Variants in RYR2 observed in about 807,000 individuals in gnomAD.
The protein encoded by RYR2 is cardiac muscle ryanodine receptor-calcium release channel.
Under a neutral mutation model 601.1 loss-of-function variants are expected in RYR2, and 227 were observed. That is an observed-to-expected ratio of 0.38 (90% CI 0.34 to 0.42). RYR2 has a LOEUF of 0.42. Among genes scored for constraint, RYR2 ranks in the 10% least tolerant of loss-of-function variants. RYR2 has a pLI of 1.00. For synonymous variants in RYR2, 2,223 were observed against 2,175.1 expected (o/e 1.02, Z -0.61); for missense variants, 4,646 against 6,156.5 (o/e 0.75, Z 8.21).
intron 102 of RYR2, among the ~76,000 whole-genome samples, chr1:237,829,199 G>T (rs1204519870): frequency 6.6e-6 from 1 of 152,214 alleles, no homozygotes; most frequent in Admixed American, 6.5e-5. Context: ...AGGGCTTTAA[G>T]CAGAGCAGCC....
chr1:237,446,891 A>T (rs1486649548), intron 14 of RYR2, among the ~76,000 whole-genome samples: 1 of 152,154 alleles, frequency 6.6e-6, no homozygotes, highest in Non-Finnish European at 1.5e-5. Flanking sequence ...GTAAAAATTT[A>T]TTACATTTTA....
intron 89 of RYR2, among the ~76,000 whole-genome samples, chr1:237,782,124 C>T (rs917958353): frequency 6.6e-6 from 1 of 151,148 alleles, no homozygotes; most frequent in Non-Finnish European, 1.5e-5. Flanking sequence ...CTCCCCACCA[C>T]AGCCTCAGTT....
intron 1 of RYR2, among the ~76,000 whole-genome samples, chr1:237,119,490 G>A (rs1670533252): frequency 6.6e-6 from 1 of 152,178 alleles, no homozygotes; most frequent in Non-Finnish European, 1.5e-5. Flanking sequence ...GAATGCTTGA[G>A]TTGGTCATGG....
chr1:237,606,177 G>A (rs1265552798), intron 35 of RYR2, among the ~76,000 whole-genome samples: 1 of 151,918 alleles, frequency 6.6e-6, no homozygotes, highest in Non-Finnish European at 1.5e-5. Flanking sequence ...ATACTACAAG[G>A]CTACAGTAAC....
intron 1 of RYR2, among the ~76,000 whole-genome samples, chr1:237,167,320 A>T (rs961716811): frequency 7.9e-4 from 121 of 152,308 alleles, no homozygotes; most frequent in African/African-American, 2.8e-3. Flanking sequence ...GCCTTTTGAT[A>T]AAAATTTCAC....
chr1:237,442,558 G>A lies in RYR2; in HGVS notation c.1170+1075G>A, dbSNP rs144322808. Among the ~76,000 whole-genome samples the A allele has an allele frequency of 1.6e-3, 244 of 152,128 alleles. 3 individuals are homozygous for A. In the East Asian group the frequency reaches 0.029, roughly 18 times the overall value. The stretch of plus-strand genomic sequence containing the variant: ...TCCTGTTTGTATTCATATTTATTCT[G>A]TTATCTCAATAATATCTTTTCTAGT... On this transcript the variant is annotated intron_variant, in intron 13 of 104. Transcript: ENST00000366574.
At chr1:237,289,969 AC>A (rs1692027758) in intron 2 of RYR2, among the ~76,000 whole-genome samples, 1 of 152,134 alleles carries the variant, frequency 6.6e-6, no homozygotes, top group South Asian at 2.1e-4. Flanking sequence ...ACTTTGGAAA[AC>A]AGTTTGTCAG....
chr1:237,112,049 A>T (rs1669535199), intron 1 of RYR2, among the ~76,000 whole-genome samples: 1 of 152,100 alleles, frequency 6.6e-6, no homozygotes, highest in Non-Finnish European at 1.5e-5. Context: ...ATGAGATAGT[A>T]TGCAAATAGA....
intron 10 of RYR2, 92 bp downstream of exon 10, chr1:237,388,275 G>T: frequency 2.0e-6 from 2 of 1,018,254 alleles, no homozygotes; most frequent in South Asian, 2.9e-5. Context: ...CAGGCCAGTA[G>T]CATCATACAA....
At chr1:237,312,535 A>C (rs1405856321) in intron 2 of RYR2, among the ~76,000 whole-genome samples, 2 of 152,188 alleles carry the variant, frequency 1.3e-5, no homozygotes, top group African/African-American at 4.8e-5. Flanking sequence ...ACAATGAAAA[A>C]CTACCTGCTT....
chr1:237,282,985 A>G (rs1691050717), intron 2 of RYR2, among the ~76,000 whole-genome samples: 1 of 152,098 alleles, frequency 6.6e-6, no homozygotes, highest in African/African-American at 2.4e-5. Context: ...GCATTATTTC[A>G]CCTGTTGCCA....
At chr1:237,382,213 G>A (rs925661715) in intron 8 of RYR2, among the ~76,000 whole-genome samples, 10 of 151,994 alleles carry the variant, frequency 6.6e-5, no homozygotes, top group African/African-American at 1.9e-4. Flanking sequence ...CAAGTTTTTC[G>A]GATCTGTGAA....
rs1016563197 is a variant in RYR2 at position 237,654,319 on chromosome 1, C to T, written c.7870C>T (p.Pro2624Ser). Reference sequence around the variant, plus strand: ...AAGATGCTGGAAATATTACTGCCTGCCTGGAGGGTGGGGAAACTTTGGTGC... The same window carrying T: ...AAGATGCTGGAAATATTACTGCCTGTCTGGAGGGTGGGGAAACTTTGGTGC... ...YERCWKYYCLPGGWGNFGAAS... is the reference protein window; with the variant it reads ...YERCWKYYCLSGGWGNFGAAS... Residue 2624 changes from proline to serine, a missense_variant, in exon 52 of 105, where the codon CCT becomes TCT. This residue lies in a region of RYR2 where 1,497 missense variants were observed against 1,842.6 expected (regional missense o/e 0.81). Transcript: ENST00000366574. 1.9e-6 allele frequency: 3 copies of T among 1,613,900 alleles called. No individual in the cohort carries two copies. Among genetic ancestry groups the T allele is most frequent in the Non-Finnish European group, 2.5e-6 (3 of 1,179,850 alleles).
intron 17 of RYR2, among the ~76,000 whole-genome samples, chr1:237,476,201 G>A (rs1040402480): frequency 4.6e-5 from 7 of 152,102 alleles, no homozygotes; most frequent in Non-Finnish European, 1.0e-4. Flanking sequence ...GTCCTGTCTG[G>A]GTTTAAGCCA....
intron 2 of RYR2, among the ~76,000 whole-genome samples, chr1:237,284,510 TATATA>T (rs1040422230): frequency 9.8e-5 from 14 of 143,116 alleles, no homozygotes; most frequent in East Asian, 4.1e-4. Context: ...ATATAAAATA[TATATA>T]ATATATGTAT....
chr1:237,751,332 T>G (rs2149246643), intron 80 of RYR2, among the ~76,000 whole-genome samples: 1 of 152,362 alleles, frequency 6.6e-6, no homozygotes, highest in Non-Finnish European at 1.5e-5. Flanking sequence ...AGAGATAAAC[T>G]ACATTCCCTC....
At chr1:237,398,680 G>T (rs1004107901) in intron 10 of RYR2, among the ~76,000 whole-genome samples, 2 of 152,192 alleles carry the variant, frequency 1.3e-5, no homozygotes, top group Non-Finnish European at 2.9e-5. Context: ...AAACATTTTG[G>T]CAGTTTCTTA....
chr1:237,118,583 ATTGT>A (rs754434401), intron 1 of RYR2, among the ~76,000 whole-genome samples: 6 of 151,750 alleles, frequency 4.0e-5, no homozygotes, highest in East Asian at 1.9e-4. Flanking sequence ...ATAGGGAGTT[ATTGT>A]TTGTTTGTTT....
Position 237,699,000 on chromosome 1 carries a change from A to G in RYR2, c.9103A>G (p.Ile3035Val). 3.2e-6 allele frequency: 5 copies of G among 1,554,412 alleles called. No homozygotes were observed. The highest frequency in any genetic ancestry group is 4.4e-6 in the Non-Finnish European group (5 of 1,143,950). ...DATSIVNCLH[I>V]LGQTLDARTV... ...AACATCAATTGTCAACTGTCTTCAT[A>G]TTTTGGGTCAGACTTTGGATGCAAG... The change falls in exon 64 of 105, where the codon ATT becomes GTT. Residue 3035 changes from isoleucine to valine, a missense_variant. Ile to Val is a conservative substitution (Grantham distance 29). Coordinates refer to ENST00000366574, the MANE Select transcript of RYR2 (RefSeq NM_001035.3).
Sources: gnomAD v4.1 joint callset for allele counts (sites outside exome capture counted in the v4.1 genomes callset) on GRCh38, gnomAD v4.1.1 for gene constraint, gnomAD v4.1.1 regional missense constraint, MANE v1.5 for transcripts, NCBI Gene and HGNC (gene_info 2026-07-23, HGNC 2026-07-21) for gene names.